The following FILIP1 variants were observed in gnomAD, a reference collection of about 807,000 sequenced individuals.
FILIP1 encodes filamin A interacting protein 1, also known as filamin-A-interacting protein 1.
Under a neutral mutation model 102.1 loss-of-function variants are expected in FILIP1, and 61 were observed. The ratio of observed to expected loss-of-function variants is 0.60; its 90% confidence interval spans 0.49 to 0.74. FILIP1 has a LOEUF of 0.74. Among genes scored for constraint, FILIP1 ranks in the 30% least tolerant of loss-of-function variants. The pLI, the probability that FILIP1 is intolerant of heterozygous loss-of-function variation, is 0.00. For synonymous variants in FILIP1, 491 were observed against 526.9 expected (o/e 0.93, Z 0.93); for missense variants, 1,314 against 1,441.2 (o/e 0.91, Z 1.43).
chr6:75,308,061 C>T (rs988825162), downstream of FILIP1: 2 of 985,908 alleles, frequency 2.0e-6, no homozygotes. Context: ...CACAGACACA[C>T]ACAAATAAGT....
At chr6:75,463,359 C>T (rs542837733) in intron 1 of FILIP1, among the ~76,000 whole-genome samples, 6 of 152,220 alleles carry the variant, frequency 3.9e-5, no homozygotes, top group African/African-American at 1.4e-4. Context: ...CTATTATAAC[C>T]TAATTGATTA....
chr6:75,387,532 C>T lies in FILIP1; in HGVS notation c.277-24615G>A, dbSNP rs369320780. Among the ~76,000 whole-genome samples, 4 of 152,264 alleles carry T rather than the reference C, an allele frequency of 2.6e-5. No homozygotes were observed. The South Asian group carries it at 8.3e-4, about 32-fold the overall frequency. ...ACAGTGTAAGAGCGTTCCTATTTCT[C>T]CACATCCTCTCCAGCATCTGTTGTT... On this transcript the variant is annotated intron_variant, in intron 2 of 5. Coordinates refer to ENST00000237172, the MANE Select transcript of FILIP1 (RefSeq NM_015687.5).
intron 1 of FILIP1, among the ~76,000 whole-genome samples, chr6:75,436,005 G>A (rs1411809622): frequency 1.3e-5 from 2 of 152,116 alleles, no homozygotes; most frequent in Non-Finnish European, 2.9e-5. Flanking sequence ...TTCTCTTTAA[G>A]ACCAATGGCA....
chr6:75,488,039 C>T (rs998612176), intron 1 of FILIP1, among the ~76,000 whole-genome samples: 10 of 152,004 alleles, frequency 6.6e-5, no homozygotes, highest in African/African-American at 2.2e-4. Context: ...TTTAAAAATT[C>T]TTTTTAGTTT....
intron 1 of FILIP1, among the ~76,000 whole-genome samples, chr6:75,452,813 T>C (rs929650820): frequency 2.6e-5 from 4 of 152,206 alleles, no homozygotes; most frequent in African/African-American, 7.2e-5. Flanking sequence ...TTTATACTTA[T>C]TTTTTCCCAA....
chr6:75,356,267 A>G (rs1197813097), intron 3 of FILIP1, among the ~76,000 whole-genome samples: 2 of 152,108 alleles, frequency 1.3e-5, no homozygotes, highest in Non-Finnish European at 2.9e-5. Flanking sequence ...TGATATGTTC[A>G]TTGTGAGTGA....
At chr6:75,442,664 G>C (rs1380643370) in intron 1 of FILIP1, among the ~76,000 whole-genome samples, 3 of 152,188 alleles carry the variant, frequency 2.0e-5, no homozygotes, top group Non-Finnish European at 4.4e-5. Flanking sequence ...TGAGGCAGGA[G>C]AATCAGGCAG....
At chr6:75,357,102 T>C (rs887472073) in intron 3 of FILIP1, 1 of 152,160 alleles carries the variant, frequency 6.6e-6, no homozygotes, top group African/African-American at 2.4e-5. Flanking sequence ...TATTTGAAAG[T>C]TGTGTTTGGA....
At position 75,369,107 on chromosome 6, in the gene FILIP1, T is replaced by C. The variant is rs139498702; in HGVS notation, c.277-6190A>G. ...GCAGGGTTGTCTGATTCCCAGGGACTTTGTTGCCTCAGAGGTTTTTTACTA... is the reference window on the plus strand; with the variant it reads ...GCAGGGTTGTCTGATTCCCAGGGACCTTGTTGCCTCAGAGGTTTTTTACTA... On this transcript the variant is annotated intron_variant, in intron 2 of 5. Coordinates refer to ENST00000237172, the MANE Select transcript of FILIP1 (RefSeq NM_015687.5). Among the ~76,000 whole-genome samples the C allele has an allele frequency of 1.9e-3, 283 of 152,314 alleles. 1 individual carries two copies. The highest frequency in any genetic ancestry group is 6.5e-3 in the African/African-American group (272 of 41,570).
intron 2 of FILIP1, among the ~76,000 whole-genome samples, chr6:75,405,807 CA>C (rs1351812415): frequency 1.3e-5 from 2 of 152,092 alleles, no homozygotes; most frequent in African/African-American, 4.8e-5. Context: ...AATGACAGAG[CA>C]GACAATCGGA....
chr6:75,416,030 G>T (rs1777257338), intron 1 of FILIP1, among the ~76,000 whole-genome samples: 1 of 152,070 alleles, frequency 6.6e-6, no homozygotes, highest in Non-Finnish European at 1.5e-5. Context: ...TAGCTCATGG[G>T]CTTATTTAAA....
In FILIP1 at chr6:75,312,413, C is replaced by T. The variant is rs770451999; in HGVS notation, c.3419G>A (p.Arg1140Gln). Residue 1140 changes from arginine (R) to glutamine (Q), a missense_variant, in exon 5 of 6, where the codon CGA (arginine) becomes CAA (glutamine). Physicochemically the swap from Arg to Gln is conservative, Grantham distance 43. Transcript: ENST00000237172. ...TITPVTTSSA[R>Q]GTQSVSGQDG... ...TCTACTCACCACTGACTGGGTTCCT[C>T]GAGCAGATGACGTTGTGACCGGTGT... 1.4e-5 allele frequency: 23 copies of T among 1,613,250 alleles called. No individual in the cohort carries two copies. The Admixed American group carries it at 2.7e-4, about 19-fold the overall frequency.
At chr6:75,292,863 C>G (rs1238604870) in exon 7 of FILIP1, 1 of 152,172 alleles carries the variant, frequency 6.6e-6, no homozygotes, top group East Asian at 1.9e-4. Context: ...GCCTGATACA[C>G]CACTTATTCT....
chr6:75,297,728 T>A (rs1426362764), intron 6 of FILIP1, among the ~76,000 whole-genome samples: 1 of 152,134 alleles, frequency 6.6e-6, no homozygotes, highest in Admixed American at 6.5e-5. Flanking sequence ...TAAAAAAAAA[T>A]TCTGCAGTAG....
At chr6:75,412,693 G>A (rs1211418253) in intron 2 of FILIP1, among the ~76,000 whole-genome samples, 1 of 152,134 alleles carries the variant, frequency 6.6e-6, no homozygotes, top group African/African-American at 2.4e-5. Flanking sequence ...AAATATAGGA[G>A]CTTTCTCATT....
intron 1 of FILIP1, among the ~76,000 whole-genome samples, chr6:75,478,780 T>C (rs1779560919): frequency 6.6e-6 from 1 of 152,200 alleles, no homozygotes; most frequent in African/African-American, 2.4e-5. Flanking sequence ...GAGTCAATTA[T>C]CTTTTAGCAT....
chr6:75,398,967 G>A (rs1776558536), intron 2 of FILIP1: 1 of 152,140 alleles, frequency 6.6e-6, no homozygotes, highest in African/African-American at 2.4e-5. Context: ...CAGCTAAGGC[G>A]AGAGCACTGC....
intron 2 of FILIP1, among the ~76,000 whole-genome samples, chr6:75,389,481 A>C (rs1776211375): frequency 6.6e-6 from 1 of 152,134 alleles, no homozygotes; most frequent in African/African-American, 2.4e-5. Flanking sequence ...GGTAGAATTC[A>C]GTTGTGAATC....
At chr6:75,421,608 CT>C (rs1269325454) in intron 1 of FILIP1, among the ~76,000 whole-genome samples, 1 of 152,122 alleles carries the variant, frequency 6.6e-6, no homozygotes, top group Non-Finnish European at 1.5e-5. Flanking sequence ...CACAACATCT[CT>C]CTTCCCTACT....
Sources: gnomAD v4.1 joint callset for allele counts (sites outside exome capture counted in the v4.1 genomes callset) on GRCh38, gnomAD v4.1.1 for gene constraint, MANE v1.5 for transcripts, NCBI Gene and HGNC (gene_info 2026-07-23, HGNC 2026-07-21) for gene names.